Variants in MACF1 observed in about 807,000 individuals in gnomAD.
The protein encoded by MACF1 is microtubule actin crosslinking factor 1, also known as microtubule-actin cross-linking factor 1.
MACF1 carries 193 observed loss-of-function variants against 854.8 expected under a neutral mutation model. The observed-to-expected ratio is 0.23, with a 90% CI of 0.20 to 0.25. MACF1 has a LOEUF of 0.25. Ranked by LOEUF, MACF1 falls within the 10% of genes least tolerant of loss-of-function variation. The pLI, the probability that MACF1 is intolerant of heterozygous loss-of-function variation, is 1.00. For missense variants in MACF1, 7,722 were observed against 8,929.1 expected, an observed-to-expected ratio of 0.86 and a Z score of 5.45; for synonymous variants, 3,185 against 3,226.7, an observed-to-expected ratio of 0.99 and a Z score of 0.44.
chr1:39,244,950 T>C (rs1371232809), intron 2 of MACF1, among the ~76,000 whole-genome samples: 2 of 152,150 alleles, frequency 1.3e-5, no homozygotes, highest in South Asian at 4.1e-4. Flanking sequence ...TGATCTCAGG[T>C]GATCTGCCCA....
chr1:39,204,469 C>G (rs1017135329), upstream of MACF1: 1 of 153,254 alleles, frequency 6.5e-6, no homozygotes, highest in Non-Finnish European at 1.5e-5. Flanking sequence ...CCTCTGACAA[C>G]TCCAGGGTAC....
At chr1:39,354,265 C>T (rs1459782401) in intron 44 of MACF1, among the ~76,000 whole-genome samples, 1 of 152,056 alleles carries the variant, frequency 6.6e-6, no homozygotes, top group East Asian at 1.9e-4. Flanking sequence ...CGGAGGGGGC[C>T]CAGCTATTTG....
chr1:39,160,000 T>C (rs1017396416), intron 2 of MACF1, among the ~76,000 whole-genome samples: 2 of 152,070 alleles, frequency 1.3e-5, no homozygotes, highest in African/African-American at 4.8e-5. Flanking sequence ...GAAATATATA[T>C]GGAGAGCTTT....
chr1:39,273,206 G>A (rs1571247190), intron 6 of MACF1, among the ~76,000 whole-genome samples: 1 of 146,054 alleles, frequency 6.8e-6, no homozygotes, highest in South Asian at 2.2e-4. Context: ...GTGCGATCTC[G>A]GCTCACTGCA....
At chr1:39,280,288 T>G (rs1454963924) in intron 6 of MACF1, among the ~76,000 whole-genome samples, 1 of 152,208 alleles carries the variant, frequency 6.6e-6, no homozygotes, top group Non-Finnish European at 1.5e-5. Flanking sequence ...TAAAACATGT[T>G]AAGGTCCCAC....
rs1159902649 is a variant in MACF1, at chr1:39,454,966, G to A, written c.20944G>A (p.Val6982Met). 1 of 1,614,158 alleles carries A rather than the reference G, an allele frequency of 6.2e-7. No homozygotes were observed. Among genetic ancestry groups the A allele is most frequent in the Admixed American group, 1.7e-5 (1 of 60,024 alleles). Reference sequence around the variant, plus strand: ...TCTTGAAACGGCCTTGTCAGAACTGGTGGCTAATGCTGAGCTCCTGGAAGA... The same window carrying A: ...TCTTGAAACGGCCTTGTCAGAACTGATGGCTAATGCTGAGCTCCTGGAAGA... ...QRLETALSEL[V>M]ANAELLEELL... Residue 6982 changes from valine to methionine, a missense_variant, in exon 89 of 101, where the codon GTG becomes ATG. Coordinates refer to ENST00000564288, the MANE Select transcript of MACF1 (RefSeq NM_001394062.1).
At chr1:39,135,517 T>C (rs1475821729) in intron 2 of MACF1, among the ~76,000 whole-genome samples, 1 of 152,152 alleles carries the variant, frequency 6.6e-6, no homozygotes, top group Admixed American at 6.6e-5. Context: ...GGATTACAGA[T>C]GTGAGCCACT....
chr1:39,265,538 C>T (rs371280785), intron 6 of MACF1, among the ~76,000 whole-genome samples: 6 of 152,080 alleles, frequency 3.9e-5, no homozygotes, highest in South Asian at 2.1e-4. Context: ...AAATGTATTC[C>T]GAACACTTAT....
rs1267820932 is a variant in MACF1, at chr1:39,477,079, A to AGTG, written c.21959-2719_21959-2718insGTG. On this transcript the variant is annotated intron_variant, in intron 97 of 100. Transcript: ENST00000564288. ...TATATATATATATATATATATATAT[A>AGTG]TATATATATATACACACACACACAT... 1.5e-3 allele frequency among the ~76,000 whole-genome samples: 23 copies of AGTG among 15,158 alleles called. 2 individuals carry two copies. Among genetic ancestry groups the AGTG allele is most frequent in the Non-Finnish European group, 2.8e-3 (20 of 7,214 alleles). 9.9% of individuals were successfully genotyped at this position (15,158 alleles called of 152,430 possible). A position where few individuals can be genotyped will look rare whatever the true frequency, so the allele number is the denominator to read the frequency against.
At chr1:39,222,671 GTTAA>G (rs1644667240) in intron 1 of MACF1, among the ~76,000 whole-genome samples, 1 of 152,092 alleles carries the variant, frequency 6.6e-6, no homozygotes, top group South Asian at 2.1e-4. Context: ...TGGTGTTATT[GTTAA>G]TTATTTACAT....
intron 2 of MACF1, among the ~76,000 whole-genome samples, chr1:39,232,819 G>C (rs984544892): frequency 7.0e-6 from 1 of 143,722 alleles, no homozygotes; most frequent in East Asian, 2.0e-4. Context: ...GTCTTACCCT[G>C]TTGCCCAGGC....
intron 58 of MACF1, among the ~76,000 whole-genome samples, chr1:39,416,181 C>T (rs1056739101): frequency 5.3e-5 from 8 of 151,984 alleles, no homozygotes; most frequent in African/African-American, 1.9e-4. Context: ...TTGAGCTTTA[C>T]CAGTTATTTT....
intron 1 of MACF1, among the ~76,000 whole-genome samples, chr1:39,216,455 T>C (rs1413976523): frequency 1.3e-5 from 2 of 152,192 alleles, no homozygotes; most frequent in African/African-American, 4.8e-5. Flanking sequence ...GGAGCAAAAT[T>C]GTGACCCAAA....
At chr1:39,112,148 A>G (rs569334461) in intron 2 of MACF1, among the ~76,000 whole-genome samples, 1 of 145,880 alleles carries the variant, frequency 6.9e-6, no homozygotes, top group Non-Finnish European at 1.5e-5. Flanking sequence ...GTGCAGTGGC[A>G]TGATCTCAGC....
intron 58 of MACF1, among the ~76,000 whole-genome samples, chr1:39,422,006 C>T (rs1624820): frequency 2.0e-5 from 3 of 151,660 alleles, no homozygotes; most frequent in Non-Finnish European, 4.4e-5. Context: ...ACCCGAGAGG[C>T]GGAGCTTGCA....
At chr1:39,262,263 G>C (rs924056053) in intron 6 of MACF1, among the ~76,000 whole-genome samples, 1 of 151,910 alleles carries the variant, frequency 6.6e-6, no homozygotes, top group African/African-American at 2.4e-5. Context: ...TTAGCCAGGT[G>C]TGTTGGCGCA....
chr1:39,475,807 G>A (rs780334024), intron 97 of MACF1, among the ~76,000 whole-genome samples: 15 of 152,130 alleles, frequency 9.9e-5, no homozygotes, highest in Non-Finnish European at 2.1e-4. Context: ...ATTTGGAGTT[G>A]GGTGTGACTA....
Position 39,284,435 on chromosome 1 carries a change from G to A in MACF1, c.1131+7G>A. On this transcript the variant is annotated splice_region_variant and intron_variant, in intron 11 of 100. Transcript: ENST00000564288. ...ATTATATAAATTACTAGAGGTAAGT[G>A]AGCTTATCCTTTGCTGAGACTTGGG... is the stretch of plus-strand genomic sequence containing the variant. 2 of 1,558,806 alleles carry A rather than the reference G, an allele frequency of 1.3e-6. No homozygotes were observed. The highest frequency in any genetic ancestry group is 2.4e-5 in the South Asian group (2 of 83,390).
intron 78 of MACF1, 45 bp from the exon 79 acceptor site, chr1:39,443,401 T>A: frequency 1.3e-6 from 2 of 1,558,890 alleles, no homozygotes; most frequent in Middle Eastern, 3.4e-4. Flanking sequence ...CTTTTAAAGC[T>A]GAGAAATGAC....
Sources: allele counts gnomAD v4.1 joint callset (sites outside exome capture counted in the v4.1 genomes callset), GRCh38; gene constraint gnomAD v4.1.1; transcripts MANE v1.5; gene names NCBI Gene and HGNC (gene_info 2026-07-23, HGNC 2026-07-21).